The following INPPL1 variants were observed in gnomAD, a reference collection of about 807,000 sequenced individuals.
INPPL1 encodes inositol polyphosphate phosphatase like 1, also known as phosphatidylinositol 3,4,5-trisphosphate 5-phosphatase 2.
Under a neutral mutation model 139.3 loss-of-function variants are expected in INPPL1, and 91 were observed. The ratio of observed to expected loss-of-function variants is 0.65; its 90% CI spans 0.55 to 0.78. The LOEUF is 0.78. INPPL1 is among the 30% of genes least tolerant of loss of function. The pLI, the probability that INPPL1 is intolerant of heterozygous loss-of-function variation, is 0.00. For missense variants in INPPL1, 1,411 were observed against 1,665.6 expected (o/e 0.85, Z 2.66); for synonymous variants, 719 against 686.6 (o/e 1.05, Z -0.74).
At position 72,235,797 on chromosome 11, in the gene INPPL1, G is replaced by A. The variant is rs1456071000; in HGVS notation, c.2738+44G>A. On this transcript the variant is annotated intron_variant, in intron 24 of 27. Transcript: ENST00000298229. The surrounding 1 kb of genome is among the most constrained non-coding windows in gnomAD (Gnocchi z 4.9). Reference sequence around the variant, plus strand: ...GAATGTCATATGAAAGGGTACCTGGGGGCATCTGGTCAACCCCACTTCATC... The same window carrying A: ...GAATGTCATATGAAAGGGTACCTGGAGGCATCTGGTCAACCCCACTTCATC... The A allele has an allele frequency of 1.2e-6, 2 of 1,613,728 alleles. No homozygotes were observed. The highest frequency in any genetic ancestry group is 1.7e-6 in the Non-Finnish European group (2 of 1,179,834).
rs945398884 is a variant in INPPL1, at chr11:72,234,126, A to T, written c.2213-155A>T. Among the ~76,000 whole-genome samples, 2 of 151,914 alleles carry T rather than the reference A, an allele frequency of 1.3e-5. No homozygotes were observed. The highest frequency in any genetic ancestry group is 4.8e-5 in the African/African-American group (2 of 41,360). On this transcript the variant is annotated intron_variant, in intron 19 of 27. Coordinates refer to ENST00000298229, the MANE Select transcript of INPPL1 (RefSeq NM_001567.4). This position sits in a 1 kb window ranked among gnomAD's most constrained non-coding sequence, Gnocchi z 4.2. ...CTGGTCCAGGGTCTGGCCTCTGGAG[A>T]TTCCCTGTTGGTGGCTTGGGACTGG...
At position 72,228,408 on chromosome 11, in the gene INPPL1, G is replaced by A. The variant is rs753046122; in HGVS notation, c.307G>A (p.Ala103Thr). Residue 103 changes from alanine (A) to threonine (T), a missense_variant, in exon 3 of 28, where the codon GCC becomes ACC. By Grantham distance (58) the Ala-to-Thr change is moderately conservative (BLOSUM62 0). Transcript: ENST00000298229. The surrounding 1 kb of genome is among the most constrained non-coding windows in gnomAD (Gnocchi z 5.0). ...CCTGGGTGAGCTCATCGGCCTGTAC[G>A]CCCAGCCCAACCAGGGCCTTGTGTG... is the stretch of plus-strand genomic sequence containing the variant. ...QTLGELIGLYAQPNQGLVCAL... is the reference protein window; with the variant it reads ...QTLGELIGLYTQPNQGLVCAL... 2.5e-6 allele frequency: 4 copies of A among 1,612,792 alleles called. No homozygotes were observed. The highest frequency in any genetic ancestry group is 3.4e-6 in the Non-Finnish European group (4 of 1,179,984).
Position 72,229,114 on chromosome 11 carries a change from C to T in INPPL1, c.543C>T (p.Val181=), listed in dbSNP as rs1397147947. ...GTGCTCCCAATGGGCTGAGCACCGT[C>T]TCGCACGACTACCTGAAAGGCAGCT... ...AESAPNGLST[V]SHDYLKGSYG... Residue 181 remains valine (V), a synonymous_variant, in exon 5 of 28, where the codon GTC becomes GTT. Transcript: ENST00000298229. 6.2e-7 allele frequency: 1 copy of T among 1,613,258 alleles called. No homozygotes were observed. The highest frequency in any genetic ancestry group is 1.1e-5 in the South Asian group (1 of 90,964).
chr11:72,223,843 G>A (rs2135410908), upstream of INPPL1: 2 of 150,346 alleles, frequency 1.3e-5, no homozygotes, highest in South Asian at 3.5e-4. Context: ...TCCCCGGGGC[G>A]GCGCGGGGCG....
rs1191142962 is a variant in INPPL1, at chr11:72,228,361, T to C, written c.260T>C (p.Val87Ala). Reference protein sequence around the residue: ...DFLAVQTSQGVPVRRFQTLGE... With the variant: ...DFLAVQTSQGAPVRRFQTLGE... ...GCTGGCCCACAGACCTCGCAGGGTG[T>C]GCCTGTGCGCCGCTTCCAGACCCTG... The change falls in exon 3 of 28, where the codon GTG becomes GCG. Residue 87 changes from valine to alanine, a missense_variant. By Grantham distance (64) the Val-to-Ala change is moderately conservative. This residue lies in a region of INPPL1 where 504 missense variants were observed against 595.6 expected (regional missense o/e 0.85). Coordinates refer to ENST00000298229, the MANE Select transcript of INPPL1 (RefSeq NM_001567.4). This position sits in a 1 kb window ranked among gnomAD's most constrained non-coding sequence, Gnocchi z 5.0. The C allele has an allele frequency of 1.1e-5, 17 of 1,613,638 alleles. No individual in the cohort carries two copies. The highest frequency in any genetic ancestry group is 1.4e-5 in the Non-Finnish European group (17 of 1,179,954).
chr11:72,234,279 A>C lies in INPPL1; in HGVS notation c.2213-2A>C, dbSNP rs1948918434. On this transcript the variant is annotated splice_acceptor_variant, in intron 19 of 27. Transcript: ENST00000298229. LOFTEE classifies it high-confidence loss of function. The surrounding 1 kb of genome is among the most constrained non-coding windows in gnomAD (Gnocchi z 4.2). Reference sequence around the variant, plus strand: ...TGTTTGTTCTCCTCCCTTTCTCCTCAGGGCTCTCAAAGACTTCAGACCAGG... The same window carrying C: ...TGTTTGTTCTCCTCCCTTTCTCCTCCGGGCTCTCAAAGACTTCAGACCAGG... 1 of 1,608,740 alleles carries C rather than the reference A, an allele frequency of 6.2e-7. No individual in the cohort carries two copies. The highest frequency in any genetic ancestry group is 8.5e-7 in the Non-Finnish European group (1 of 1,175,362).
chr11:72,224,550 G>A (rs1276215755), upstream of INPPL1, among the ~76,000 whole-genome samples: 4 of 150,672 alleles, frequency 2.7e-5, no homozygotes, highest in Non-Finnish European at 4.4e-5. Flanking sequence ...TTTCGATGGG[G>A]ATTTGGGGAC....
Position 72,228,570 on chromosome 11 carries a change from T to C in INPPL1, c.397+72T>C. 2 of 1,560,304 alleles carry C rather than the reference T, an allele frequency of 1.3e-6. No individual in the cohort carries two copies. The highest frequency in any genetic ancestry group is 1.7e-6 in the Non-Finnish European group (2 of 1,150,272). On this transcript the variant is annotated intron_variant, in intron 3 of 27. Transcript: ENST00000298229. The surrounding 1 kb of genome is among the most constrained non-coding windows in gnomAD (Gnocchi z 5.0). ...CTACCTGCCTCTTCCCATCCCCCCT[T>C]CTCAACCCCACCTCTCCTGTAACCC...
rs774542861 is a variant in INPPL1, at chr11:72,234,656, CAG to C, written c.2415+46_2415+47del. 1.0e-5 allele frequency: 15 copies of C among 1,432,260 alleles called. 1 individual carries two copies. In the South Asian group the frequency reaches 1.3e-4, roughly 12 times the overall value. The allele number at this position is 1,432,260 out of a possible 1,614,324, so 88.7% of individuals were successfully genotyped here. On this transcript the variant is annotated intron_variant, in intron 21 of 27. Coordinates refer to ENST00000298229, the MANE Select transcript of INPPL1 (RefSeq NM_001567.4). The surrounding 1 kb of genome is among the most constrained non-coding windows in gnomAD (Gnocchi z 4.2). ...GGGCCCCTGCTTATGGGTGAGGGCA[CAG>C]AGAGGGGTACATAAGAGTTTATTGG... is the stretch of plus-strand genomic sequence containing the variant.
intron 26 of INPPL1, 64 bp downstream of exon 26, chr11:72,237,860 T>A: frequency 6.6e-7 from 1 of 1,517,116 alleles, no homozygotes; most frequent in South Asian, 1.3e-5. Context: ...CTGGTACCCT[T>A]TCACTCCACC....
rs1478439574 is a variant in INPPL1 at position 72,224,892 on chromosome 11, G to A, written c.-93G>A. ...TCCGGCCCACGGATCCTCAAGCCCG[G>A]GCCCCGGGCCCGGCCCCAGCCTCAG... On this transcript the variant is annotated 5_prime_UTR_variant, in exon 1 of 28. Coordinates refer to ENST00000298229, the MANE Select transcript of INPPL1 (RefSeq NM_001567.4). 3 of 904,208 alleles carry A rather than the reference G, an allele frequency of 3.3e-6. No individual in the cohort carries two copies. Among genetic ancestry groups the A allele is most frequent in the South Asian group, 5.1e-5 (1 of 19,574 alleles). 56.0% of individuals were successfully genotyped at this position (904,208 alleles called of 1,614,324 possible).
In INPPL1 at chr11:72,237,649, T is replaced by C. The variant is rs1949029326; in HGVS notation, c.3405T>C (p.Tyr1135=). ...QMAKTLSEVD[Y]APAGPARSAL... ...CCAAGACGCTGAGCGAGGTGGACTA[T>C]GCCCCTGCTGGGCCTGCACGCTCAG... Residue 1135 remains tyrosine, a synonymous_variant, in exon 26 of 28, where the codon TAT becomes TAC. Coordinates refer to ENST00000298229, the MANE Select transcript of INPPL1 (RefSeq NM_001567.4). The C allele has an allele frequency of 6.2e-7, 1 of 1,611,282 alleles. No individual in the cohort carries two copies. The highest frequency in any genetic ancestry group is 8.5e-7 in the Non-Finnish European group (1 of 1,178,874).
rs1948892560 is a variant in INPPL1 at position 72,233,440 on chromosome 11, G to C, written c.2041-1G>C. ...AACCATGCTGCCATCCCCTGCCCCA[G>C]GTCCGGACCAATGTGCCCTCATGGT... On this transcript the variant is annotated splice_acceptor_variant, in intron 17 of 27. Transcript: ENST00000298229. LOFTEE classifies it high-confidence loss of function. 1.2e-6 allele frequency: 2 copies of C among 1,613,890 alleles called. No homozygotes were observed. Among genetic ancestry groups the C allele is most frequent in the Non-Finnish European group, 1.7e-6 (2 of 1,179,948 alleles).
chr11:72,228,510 T>C lies in INPPL1; in HGVS notation c.397+12T>C, dbSNP rs1306502750. ...CCGGGATGCCTCAGGTACTTCCCAG[T>C]GTGCAGGTCCCCTCCCTGCCCCTGT... On this transcript the variant is annotated intron_variant, in intron 3 of 27. Coordinates refer to ENST00000298229, the MANE Select transcript of INPPL1 (RefSeq NM_001567.4). This position sits in a 1 kb window ranked among gnomAD's most constrained non-coding sequence, Gnocchi z 5.0. The C allele has an allele frequency of 1.9e-6, 3 of 1,603,626 alleles. No individual in the cohort carries two copies. Among genetic ancestry groups the C allele is most frequent in the Admixed American group, 1.7e-5 (1 of 59,988 alleles).
chr11:72,225,204 C>T (rs529204687), intron 1 of INPPL1, 38 bp downstream of exon 1: 3 of 946,698 alleles, frequency 3.2e-6, no homozygotes, highest in South Asian at 4.4e-5. Flanking sequence ...CTGGCGTGGA[C>T]CGGGAGCGCG....
Position 72,234,584 on chromosome 11 carries a change from A to C in INPPL1, c.2384A>C (p.Lys795Thr). The change falls in exon 21 of 28, where the codon AAA becomes ACA. Residue 795 changes from lysine (K) to threonine (T), a missense_variant. By Grantham distance (78) the Lys-to-Thr change is moderately conservative. Coordinates refer to ENST00000298229, the MANE Select transcript of INPPL1 (RefSeq NM_001567.4). The surrounding 1 kb of genome is among the most constrained non-coding windows in gnomAD (Gnocchi z 4.2). ...AGCAGTGACAACATCAACTTCCTCAAAGTGCAGTGGTCTTCACGCCAGCTG... is the reference window on the plus strand; with the variant it reads ...AGCAGTGACAACATCAACTTCCTCACAGTGCAGTGGTCTTCACGCCAGCTG... Reference protein sequence around the residue: ...AQSSDNINFLKVQWSSRQLPT... With the variant: ...AQSSDNINFLTVQWSSRQLPT... 6.2e-7 allele frequency: 1 copy of C among 1,613,920 alleles called. No individual in the cohort carries two copies. The highest frequency in any genetic ancestry group is 1.1e-5 in the South Asian group (1 of 91,072).
rs1400382123 is a variant in INPPL1, at chr11:72,230,399, G to T, written c.1128G>T (p.Lys376Asn). The change falls in exon 10 of 28, where the codon AAG becomes AAT. Residue 376 changes from lysine to asparagine, a missense_variant. Around this residue, in one of 5 missense-constraint regions of INPPL1, gnomAD observed 504 missense variants for 595.6 expected, o/e 0.85. Coordinates refer to ENST00000298229, the MANE Select transcript of INPPL1 (RefSeq NM_001567.4). ...TTAAGTCCCAGCGTGTCCAGAACAA[G>T]CTGGGTGTTGTGTTTGAGAAGGAGA... is the stretch of plus-strand genomic sequence containing the variant. Reference protein sequence around the residue: ...QLIKSQRVQNKLGVVFEKEKD... With the variant: ...QLIKSQRVQNNLGVVFEKEKD... 6.2e-7 allele frequency: 1 copy of T among 1,614,154 alleles called. No homozygotes were observed. The highest frequency in any genetic ancestry group is 1.7e-5 in the Admixed American group (1 of 60,032).
upstream of INPPL1, chr11:72,223,915 C>T (rs1296796299): frequency 6.6e-6 from 1 of 152,542 alleles, no homozygotes; most frequent in African/African-American, 2.4e-5. Context: ...CCGCCTGGAG[C>T]CCAGGGCCGC....
chr11:72,232,869 C>G lies in INPPL1; in HGVS notation c.1852-6C>G, dbSNP rs779382286. 1 of 1,614,006 alleles carries G rather than the reference C, an allele frequency of 6.2e-7. No homozygotes were observed. The highest frequency in any genetic ancestry group is 8.5e-7 in the Non-Finnish European group (1 of 1,179,912). ...ATGTTTCTAGCCTTTGTGTCCTCCA[C>G]CCCAGGAGATCCTGAACTACATCAG... On this transcript the variant is annotated splice_region_variant and splice_polypyrimidine_tract_variant and intron_variant, in intron 15 of 27. Coordinates refer to ENST00000298229, the MANE Select transcript of INPPL1 (RefSeq NM_001567.4).
Sources: allele counts gnomAD v4.1 joint callset (sites outside exome capture counted in the v4.1 genomes callset), GRCh38; gene constraint gnomAD v4.1.1; regional missense constraint gnomAD v4.1.1; non-coding constraint Gnocchi (gnomAD v3.1); transcripts MANE v1.5; gene names NCBI Gene and HGNC (gene_info 2026-07-23, HGNC 2026-07-21).